TASP1: variants seen among roughly 807,000 people sequenced by gnomAD.
TASP1 encodes the protein threonine aspartase 1.
In TASP1, 16 loss-of-function variants were observed where a neutral mutation model predicts 56.6. The ratio of observed to expected loss-of-function variants is 0.28; its 90% CI spans 0.19 to 0.43. TASP1 has a LOEUF of 0.43. Ranked by LOEUF, TASP1 falls within the 20% of genes least tolerant of loss-of-function variation. The pLI, the probability that TASP1 is intolerant of heterozygous loss-of-function variation, is 1.00. For missense variants in TASP1, 393 were observed against 511.6 expected (o/e 0.77, Z 2.24); for synonymous variants, 179 against 184.2 (o/e 0.97, Z 0.23).
At chr20:13,205,467 A>T in the TASP1 span, among the ~76,000 whole-genome samples, 1 of 152,154 alleles carries the variant, frequency 6.6e-6, no homozygotes, top group Non-Finnish European at 1.5e-5. Context: ...TATTTCTTAC[A>T]GTTCTAAAAG....
the TASP1 span, among the ~76,000 whole-genome samples, chr20:13,344,231 G>C: frequency 6.6e-6 from 1 of 152,014 alleles, no homozygotes; most frequent in Non-Finnish European, 1.5e-5. Flanking sequence ...AGCTCTAGGG[G>C]ACAGTCTTAG....
At chr20:13,432,517 C>G (rs2042846564) in intron 12 of TASP1, among the ~76,000 whole-genome samples, 3 of 152,204 alleles carry the variant, frequency 2.0e-5, no homozygotes, top group African/African-American at 4.8e-5. Context: ...ACTTCACATT[C>G]ATAACTTTTA....
chr20:13,391,038 C>T (rs926705404), intron 13 of TASP1, among the ~76,000 whole-genome samples: 10 of 152,246 alleles, frequency 6.6e-5, no homozygotes, highest in Middle Eastern at 3.4e-3. Flanking sequence ...GTTTGGTACC[C>T]GTGCCAGAGG....
At chr20:13,144,627 T>G in the TASP1 span, among the ~76,000 whole-genome samples, 107,589 of 152,080 alleles carry the variant, frequency 0.71, 38,100 homozygotes, top group African/African-American at 0.75. Context: ...CAACAAACAC[T>G]ATATAATTTG....
chr20:13,170,468 G>A, the TASP1 span, among the ~76,000 whole-genome samples: 8 of 152,284 alleles, frequency 5.3e-5, no homozygotes, highest in African/African-American at 1.9e-4. Context: ...ATTGCATCCT[G>A]TGGTCCAAAT....
At chr20:13,471,102 A>G (rs1364503084) in intron 11 of TASP1, among the ~76,000 whole-genome samples, 5 of 152,224 alleles carry the variant, frequency 3.3e-5, no homozygotes. Context: ...AAACAATAAT[A>G]ACAAGTAAAT....
At chr20:13,109,599 A>G in the TASP1 span, among the ~76,000 whole-genome samples, 1 of 152,232 alleles carries the variant, frequency 6.6e-6, no homozygotes, top group Non-Finnish European at 1.5e-5. Context: ...TATTTTGAAA[A>G]AGAGGCTTAA....
the TASP1 span, among the ~76,000 whole-genome samples, chr20:13,347,330 C>T: frequency 6.6e-6 from 1 of 152,286 alleles, no homozygotes; most frequent in Admixed American, 6.5e-5. Context: ...CTATTGGTCA[C>T]ATTAACACAC....
At chr20:13,292,152 A>C in the TASP1 span, among the ~76,000 whole-genome samples, 6 of 152,216 alleles carry the variant, frequency 3.9e-5, no homozygotes, top group Non-Finnish European at 8.8e-5. Context: ...ATTCAGGCAC[A>C]TTTGGATCTG....
At chr20:13,117,855 T>C in the TASP1 span, 1 of 820,066 alleles carries the variant, frequency 1.2e-6, no homozygotes, top group South Asian at 1.9e-5. Context: ...CCAGCCTGGC[T>C]ACAGTGGGTT....
chr20:13,637,902 A>G lies in TASP1; in HGVS notation c.-75+992T>C, dbSNP rs138248347. Among the ~76,000 whole-genome samples, 20 of 152,372 alleles carry G rather than the reference A, an allele frequency of 1.3e-4. No homozygotes were observed. In the East Asian group the frequency reaches 3.5e-3, roughly 26 times the overall value. On this transcript the variant is annotated intron_variant, in intron 1 of 13. Transcript: ENST00000337743. The stretch of plus-strand genomic sequence containing the variant: ...AATTTTATGGTGCATGAATACCTTA[A>G]TAAGACTTTCTCAAGAGGAAAAAAG...
the TASP1 span, among the ~76,000 whole-genome samples, chr20:13,220,933 C>G: frequency 2.0e-5 from 3 of 152,186 alleles, no homozygotes; most frequent in Admixed American, 2.0e-4. Context: ...GGGCTCTACC[C>G]GCGCCCGTCA....
chr20:13,330,119 G>A, the TASP1 span, among the ~76,000 whole-genome samples: 1 of 151,934 alleles, frequency 6.6e-6, no homozygotes, highest in Non-Finnish European at 1.5e-5. Context: ...ACCACACATG[G>A]CTAATTTTTG....
At chr20:13,553,431 C>G (rs921001971) in intron 8 of TASP1, among the ~76,000 whole-genome samples, 2 of 152,070 alleles carry the variant, frequency 1.3e-5, no homozygotes, top group African/African-American at 4.8e-5. Context: ...CCAGAAGAGA[C>G]AGGTCTACCC....
rs386393363 is a variant in TASP1 at position 13,592,411 on chromosome 20, A to AAT, written c.283-5043_283-5042dup. Among the ~76,000 whole-genome samples the AAT allele has an allele frequency of 1.8e-4, 27 of 151,922 alleles. No individual in the cohort carries two copies. The East Asian group carries it at 5.0e-3, about 28-fold the overall frequency. On this transcript the variant is annotated intron_variant, in intron 4 of 13. Transcript: ENST00000337743. ...AAACACTGTCTCAAAAAAAAAAAAA[A>AAT]ATTATATTCAAATTGTCTAAGCACT...
chr20:13,502,496 T>A (rs77736466), intron 10 of TASP1, among the ~76,000 whole-genome samples: 6,186 of 152,078 alleles, frequency 0.041, 398 homozygotes, highest in African/African-American at 0.14. Context: ...GACCTATAGG[T>A]CAATAAAAAC....
chr20:13,522,474 T>G (rs1048432814), intron 10 of TASP1, among the ~76,000 whole-genome samples: 4 of 152,180 alleles, frequency 2.6e-5, no homozygotes, highest in East Asian at 1.9e-4. Context: ...GAATTGGATG[T>G]GCGTGAGATA....
At chr20:13,172,287 T>C in the TASP1 span, among the ~76,000 whole-genome samples, 1 of 152,162 alleles carries the variant, frequency 6.6e-6, no homozygotes, top group Non-Finnish European at 1.5e-5. Flanking sequence ...TAAAATTGTT[T>C]TCAGCTAGAA....
chr20:13,636,137 TTGC>T (rs1361821096), intron 1 of TASP1, among the ~76,000 whole-genome samples: 4 of 147,166 alleles, frequency 2.7e-5, no homozygotes, highest in African/African-American at 1.0e-4. Context: ...AATTGTGTTG[TTGC>T]TTTTTTTTTT....
Sources: allele counts gnomAD v4.1 joint callset (sites outside exome capture counted in the v4.1 genomes callset), GRCh38; gene constraint gnomAD v4.1.1; transcripts MANE v1.5; gene names NCBI Gene and HGNC (gene_info 2026-07-23, HGNC 2026-07-21).